Variants in TSHZ2 observed in about 807,000 individuals in gnomAD.
TSHZ2 encodes the protein teashirt homolog 2.
Under a neutral mutation model 74.4 loss-of-function variants are expected in TSHZ2, and 21 were observed. That is an observed-to-expected ratio of 0.28 (90% CI 0.20 to 0.41). The LOEUF (loss-of-function observed/expected upper bound fraction) is 0.41. Ranked by LOEUF, TSHZ2 falls within the 10% of genes least tolerant of loss-of-function variation. The pLI, the probability that TSHZ2 is intolerant of heterozygous loss-of-function variation, is 1.00. For missense variants in TSHZ2, 1,244 were observed against 1,293.5 expected, an observed-to-expected ratio of 0.96 and a Z score of 0.59; for synonymous variants, 540 against 515.3, an observed-to-expected ratio of 1.05 and a Z score of -0.65.
intron 2 of TSHZ2, among the ~76,000 whole-genome samples, chr20:53,407,086 C>T (rs1376293174): frequency 6.6e-6 from 1 of 152,100 alleles, no homozygotes; most frequent in African/African-American, 2.4e-5. Context: ...GTACAGTGAC[C>T]CCTGACGAAG....
chr20:53,368,427 C>G (rs1981352699), intron 2 of TSHZ2, among the ~76,000 whole-genome samples: 1 of 152,122 alleles, frequency 6.6e-6, no homozygotes, highest in Non-Finnish European at 1.5e-5. Flanking sequence ...CTCCTGCCTT[C>G]AGAGTAGCTG....
At chr20:53,122,052 C>T (rs1009054674) in intron 1 of TSHZ2, among the ~76,000 whole-genome samples, 7 of 151,942 alleles carry the variant, frequency 4.6e-5, no homozygotes, top group South Asian at 2.1e-4. Context: ...TTTGGGAGGC[C>T]GAAGTGGGTA....
intron 2 of TSHZ2, among the ~76,000 whole-genome samples, chr20:53,285,721 G>GA (rs11421719): frequency 0.48 from 70,462 of 147,820 alleles, 16,901 homozygotes; most frequent in African/African-American, 0.58. Flanking sequence ...CATCTCAAGA[G>GA]AAAAAAAAAA....
chr20:53,380,653 T>C (rs1406482233), intron 2 of TSHZ2, among the ~76,000 whole-genome samples: 1 of 152,190 alleles, frequency 6.6e-6, no homozygotes, highest in East Asian at 1.9e-4. Flanking sequence ...GAATTCACTT[T>C]TCAAGTTCAG....
intron 1 of TSHZ2, among the ~76,000 whole-genome samples, chr20:53,054,291 T>G (rs1984571092): frequency 6.6e-6 from 1 of 152,220 alleles, no homozygotes; most frequent in African/African-American, 2.4e-5. Flanking sequence ...TGTCACTTGT[T>G]TAGGATAATG....
chr20:53,463,706 A>C (rs1411426545), intron 2 of TSHZ2, among the ~76,000 whole-genome samples: 1 of 152,168 alleles, frequency 6.6e-6, no homozygotes, highest in Non-Finnish European at 1.5e-5. Flanking sequence ...AGTCAAGGCA[A>C]AACCTTGGGG....
intron 2 of TSHZ2, among the ~76,000 whole-genome samples, chr20:53,380,738 T>A (rs16998010): frequency 0.054 from 8,200 of 152,286 alleles, 752 homozygotes; most frequent in African/African-American, 0.19. Context: ...TGCCAATACT[T>A]CACCTTACAA....
chr20:53,417,241 G>GACACACAC (rs56822266), intron 2 of TSHZ2, among the ~76,000 whole-genome samples: 108 of 138,116 alleles, frequency 7.8e-4, no homozygotes, highest in Admixed American at 2.9e-3. Context: ...GACACACACA[G>GACACACAC]ACACACACAC....
intron 1 of TSHZ2, among the ~76,000 whole-genome samples, chr20:52,992,389 T>C (rs182452207): frequency 1.1e-3 from 162 of 152,342 alleles, no homozygotes; most frequent in Admixed American, 1.8e-3. Flanking sequence ...AACCGATGCA[T>C]GCACATGGCA....
intron 1 of TSHZ2, among the ~76,000 whole-genome samples, chr20:52,981,804 T>C (rs1305079121): frequency 1.3e-5 from 2 of 152,260 alleles, no homozygotes; most frequent in Non-Finnish European, 2.9e-5. Flanking sequence ...TATCTGCCAC[T>C]AAACAAGTGC....
intron 2 of TSHZ2, among the ~76,000 whole-genome samples, chr20:53,396,956 C>T (rs949954128): frequency 2.6e-5 from 4 of 151,726 alleles, no homozygotes; most frequent in Admixed American, 2.0e-4. Flanking sequence ...CTTCCTTACA[C>T]CTTATACAAA....
At position 53,254,456 on chromosome 20, in the gene TSHZ2, C is replaced by T; in HGVS notation, c.998C>T (p.Pro333Leu). ...TTTGATGTCAATCGGCCGTGTTCCC[C>T]CGATTCAACCACAGGATCTTTTGCA... is the stretch of plus-strand genomic sequence containing the variant. ...RVFDVNRPCS[P>L]DSTTGSFADS... The change falls in exon 2 of 3, where the codon CCC becomes CTC. Residue 333 changes from proline (P) to leucine (L), a missense_variant. Coordinates refer to ENST00000371497, the MANE Select transcript of TSHZ2 (RefSeq NM_173485.6). The T allele has an allele frequency of 6.2e-7, 1 of 1,613,868 alleles. No individual in the cohort carries two copies. The highest frequency in any genetic ancestry group is 1.1e-5 in the South Asian group (1 of 91,076).
chr20:53,101,092 T>C (rs1353718603), intron 1 of TSHZ2, among the ~76,000 whole-genome samples: 2 of 152,210 alleles, frequency 1.3e-5, no homozygotes, highest in African/African-American at 2.4e-5. Context: ...GGTTTTTTAA[T>C]TTCCTGTAAT....
chr20:53,462,303 A>G (rs1366147026), intron 2 of TSHZ2, among the ~76,000 whole-genome samples: 4 of 152,150 alleles, frequency 2.6e-5, no homozygotes, highest in Admixed American at 6.5e-5. Flanking sequence ...CACCAGTCAG[A>G]TTGGATTAGG....
Position 53,254,547 on chromosome 20 carries a change from A to G in TSHZ2, c.1089A>G (p.Gln363=), listed in dbSNP as rs1245466339. The G allele has an allele frequency of 6.2e-7, 1 of 1,613,660 alleles. No homozygotes were observed. Among genetic ancestry groups the G allele is most frequent in the Non-Finnish European group, 8.5e-7 (1 of 1,179,614 alleles). ...CCTCCAACAACCGCTATGGCTACCA[A>G]AATGGAGCCAGCTACACCTGGCAGT... ...QLSSNNRYGY[Q]NGASYTWQFE... Residue 363 remains glutamine, a synonymous_variant, in exon 2 of 3, where the codon CAA becomes CAG. Coordinates refer to ENST00000371497, the MANE Select transcript of TSHZ2 (RefSeq NM_173485.6).
intron 1 of TSHZ2, among the ~76,000 whole-genome samples, chr20:53,226,867 T>C (rs1056751246): frequency 6.6e-6 from 1 of 152,176 alleles, no homozygotes; most frequent in Non-Finnish European, 1.5e-5. Context: ...CGTTGAGATC[T>C]AGATCCAGCG....
Position 53,088,048 on chromosome 20 carries a change from A to G in TSHZ2, c.40+114715A>G, listed in dbSNP as rs117360139. 1.7e-4 allele frequency among the ~76,000 whole-genome samples: 26 copies of G among 152,344 alleles called. 1 individual carries two copies. In the East Asian group the frequency reaches 5.0e-3, roughly 29 times the overall value. On this transcript the variant is annotated intron_variant, in intron 1 of 2. Coordinates refer to ENST00000371497, the MANE Select transcript of TSHZ2 (RefSeq NM_173485.6). The stretch of plus-strand genomic sequence containing the variant: ...TTCTATTACCCCATGTCTGTCTTCA[A>G]GATGAATTCAGCTTCCTGCTCTGTT...
At chr20:53,130,167 CTATG>C (rs1271819516) in intron 1 of TSHZ2, among the ~76,000 whole-genome samples, 1 of 151,488 alleles carries the variant, frequency 6.6e-6, no homozygotes, top group African/African-American at 2.4e-5. Flanking sequence ...AAATCTAAAT[CTATG>C]TAAGACTCAA....
intron 2 of TSHZ2, among the ~76,000 whole-genome samples, chr20:53,286,015 T>C (rs1022234279): frequency 2.0e-5 from 3 of 152,146 alleles, no homozygotes; most frequent in Non-Finnish European, 4.4e-5. Context: ...TAATAATCAA[T>C]TTATTTTTAT....
Sources: allele counts gnomAD v4.1 joint callset (sites outside exome capture counted in the v4.1 genomes callset), GRCh38; gene constraint gnomAD v4.1.1; transcripts MANE v1.5; gene names NCBI Gene and HGNC (gene_info 2026-07-23, HGNC 2026-07-21).